Variants in ASIC2 observed in about 807,000 individuals in gnomAD.
ASIC2 encodes acid sensing ion channel subunit 2, also known as acid-sensing ion channel 2.
ASIC2 carries 25 observed loss-of-function variants against 57.3 expected under a neutral mutation model. The ratio of observed to expected loss-of-function variants is 0.44; its 90% confidence interval spans 0.32 to 0.61. The LOEUF (loss-of-function observed/expected upper bound fraction) is 0.61, where lower values mean the gene tolerates loss of function less well. Ranked by LOEUF, ASIC2 falls within the 20% of genes least tolerant of loss-of-function variation. The pLI is 0.06. For missense variants in ASIC2, 641 were observed against 738.1 expected (o/e 0.87, Z 1.52); for synonymous variants, 319 against 307.5 (o/e 1.04, Z -0.39).
chr17:33,675,974 G>A (rs1263782822), intron 1 of ASIC2, among the ~76,000 whole-genome samples: 1 of 152,162 alleles, frequency 6.6e-6, no homozygotes, highest in African/African-American at 2.4e-5. Context: ...GACTATAGAT[G>A]TCATTTTTCC....
At chr17:33,462,808 C>T (rs1291613510) in intron 1 of ASIC2, among the ~76,000 whole-genome samples, 2 of 152,104 alleles carry the variant, frequency 1.3e-5, no homozygotes, top group African/African-American at 4.8e-5. Flanking sequence ...CAGTGAATGC[C>T]CATATGATAT....
intron 1 of ASIC2, among the ~76,000 whole-genome samples, chr17:33,939,791 C>T (rs1410343894): frequency 6.6e-6 from 1 of 152,208 alleles, no homozygotes; most frequent in Admixed American, 6.5e-5. Flanking sequence ...CAATGCTTTC[C>T]TCTGAATCTG....
intron 1 of ASIC2, among the ~76,000 whole-genome samples, chr17:33,386,889 T>C (rs1224918548): frequency 6.6e-6 from 1 of 152,202 alleles, no homozygotes; most frequent in East Asian, 1.9e-4. Flanking sequence ...TGAAGACCTC[T>C]GAGTGGCTCG....
chr17:33,374,143 G>A lies in ASIC2; in HGVS notation c.556-262076C>T, dbSNP rs187220138. ...CTTGAGTAGTTGGGATTACAGGTGCGCACCACCCAACCAAGCTAATTTTTG... is the reference window on the plus strand; with the variant it reads ...CTTGAGTAGTTGGGATTACAGGTGCACACCACCCAACCAAGCTAATTTTTG... On this transcript the variant is annotated intron_variant, in intron 1 of 9. Coordinates refer to the ASIC2 transcript ENST00000359872. Among the ~76,000 whole-genome samples, 570 of 151,858 alleles carry A rather than the reference G, an allele frequency of 3.8e-3. 10 individuals carry two copies. The highest frequency in any genetic ancestry group is 4.4e-3 in the African/African-American group (180 of 41,368).
Position 33,273,050 on chromosome 17 carries a change from C to A in ASIC2, c.708+18358G>T, listed in dbSNP as rs112868363. Among the ~76,000 whole-genome samples the A allele has an allele frequency of 2.7e-3, 406 of 152,188 alleles. 4 individuals are homozygous for A. Among genetic ancestry groups the A allele is most frequent in the African/African-American group, 9.5e-3 (394 of 41,514 alleles). ...CACCAACACTTAGTTAAGAAATTGC[C>A]CCGAGTTTGTACATTTTCATTCTGG... On this transcript the variant is annotated intron_variant, in intron 1 of 9. Coordinates refer to ENST00000225823, the MANE Select transcript of ASIC2 (RefSeq NM_183377.2).
intron 1 of ASIC2, among the ~76,000 whole-genome samples, chr17:34,119,387 T>C (rs1200948026): frequency 1.3e-5 from 2 of 152,224 alleles, no homozygotes; most frequent in East Asian, 3.8e-4. Context: ...ACTGCTTTGT[T>C]AGCCTAATTT....
intron 1 of ASIC2, among the ~76,000 whole-genome samples, chr17:33,127,232 C>G (rs1277614531): frequency 6.6e-6 from 1 of 152,150 alleles, no homozygotes; most frequent in African/African-American, 2.4e-5. Flanking sequence ...GGCTAAACAA[C>G]TCTCTCAACG....
At chr17:33,474,670 T>G (rs895582096) in intron 1 of ASIC2, among the ~76,000 whole-genome samples, 1 of 152,156 alleles carries the variant, frequency 6.6e-6, no homozygotes, top group African/African-American at 2.4e-5. Flanking sequence ...CATTTTTGGG[T>G]GCTCCCTGTT....
At chr17:33,323,100 T>C (rs1213396920) in intron 1 of ASIC2, among the ~76,000 whole-genome samples, 2 of 152,150 alleles carry the variant, frequency 1.3e-5, no homozygotes, top group African/African-American at 2.4e-5. Flanking sequence ...TGCAAATTAG[T>C]ACAACTGTTT....
chr17:33,680,296 G>C (rs1014022596), intron 1 of ASIC2, among the ~76,000 whole-genome samples: 1 of 152,174 alleles, frequency 6.6e-6, no homozygotes, highest in Non-Finnish European at 1.5e-5. Flanking sequence ...TGCTCCAGCT[G>C]CCTGACCTGC....
chr17:33,883,121 C>A (rs1371561611), intron 1 of ASIC2, among the ~76,000 whole-genome samples: 1 of 152,094 alleles, frequency 6.6e-6, no homozygotes, highest in African/African-American at 2.4e-5. Flanking sequence ...GGAGGGATAG[C>A]ATTAGGAGAT....
At chr17:33,368,861 C>A (rs1476043805) in intron 1 of ASIC2, among the ~76,000 whole-genome samples, 1 of 152,182 alleles carries the variant, frequency 6.6e-6, no homozygotes, top group African/African-American at 2.4e-5. Flanking sequence ...AAACTTTCCA[C>A]AGGGAGGCCC....
Position 33,880,260 on chromosome 17 carries a change from C to A in ASIC2, c.555+275718G>T, listed in dbSNP as rs189463081. Among the ~76,000 whole-genome samples, 895 of 152,108 alleles carry A rather than the reference C, an allele frequency of 5.9e-3. 3 individuals carry two copies. Among genetic ancestry groups the A allele is most frequent in the Non-Finnish European group, 9.1e-3 (621 of 67,990 alleles). The stretch of plus-strand genomic sequence containing the variant: ...AGGCAAGAAATAACTAAGATCAGAG[C>A]AGAACTGAAGGAAATAGAGACACAA... On this transcript the variant is annotated intron_variant, in intron 1 of 9. Coordinates refer to the ASIC2 transcript ENST00000359872.
At chr17:33,842,193 C>T in intron 1 of ASIC2, among the ~76,000 whole-genome samples, 1 of 152,204 alleles carries the variant, frequency 6.6e-6, no homozygotes. Flanking sequence ...AACACCCTCC[C>T]CTTAATGACT....
At position 33,058,516 on chromosome 17, in the gene ASIC2, A is replaced by C. The variant is rs112459880; in HGVS notation, c.988-30124T>G. Among the ~76,000 whole-genome samples, 462 of 151,744 alleles carry C rather than the reference A, an allele frequency of 3.0e-3. 1 individual carries two copies. Among genetic ancestry groups the C allele is most frequent in the African/African-American group, 9.3e-3 (384 of 41,448 alleles). ...ACAAAACCCAAAACAACAACAAAAA[A>C]CACCAAACATCTTTTTGCTTCTTAT... On this transcript the variant is annotated intron_variant, in intron 3 of 9. Transcript: ENST00000225823.
At chr17:33,284,666 T>C (rs1250549598) in intron 1 of ASIC2, among the ~76,000 whole-genome samples, 1 of 152,180 alleles carries the variant, frequency 6.6e-6, no homozygotes, top group Non-Finnish European at 1.5e-5. Context: ...GGAAAGAACA[T>C]GGGCTTTGAA....
chr17:34,021,750 C>T (rs1382794442), intron 1 of ASIC2, among the ~76,000 whole-genome samples: 1 of 152,108 alleles, frequency 6.6e-6, no homozygotes, highest in Non-Finnish European at 1.5e-5. Context: ...AATACTGATG[C>T]CCAGACCCAG....
At chr17:33,445,758 T>C (rs1001504082) in intron 1 of ASIC2, among the ~76,000 whole-genome samples, 31 of 141,236 alleles carry the variant, frequency 2.2e-4, no homozygotes, top group Non-Finnish European at 2.7e-4. Context: ...GATCACACCA[T>C]TGGACTCCAG....
intron 1 of ASIC2, among the ~76,000 whole-genome samples, chr17:33,159,238 T>C (rs1234520389): frequency 6.6e-6 from 1 of 152,250 alleles, no homozygotes; most frequent in Non-Finnish European, 1.5e-5. Flanking sequence ...TTTTAAGGCA[T>C]GTATGCATTG....
Sources: allele counts gnomAD v4.1 joint callset (sites outside exome capture counted in the v4.1 genomes callset), GRCh38; gene constraint gnomAD v4.1.1; transcripts MANE v1.5; gene names NCBI Gene and HGNC (gene_info 2026-07-23, HGNC 2026-07-21).